Variants in ATP7B observed in about 807,000 individuals in gnomAD.
ATP7B encodes ATPase copper transporting beta.
Under a neutral mutation model 118.9 loss-of-function variants are expected in ATP7B, and 113 were observed. That is an observed-to-expected ratio of 0.95 (90% CI 0.82 to 1.11). ATP7B has a LOEUF of 1.11. ATP7B is among the 50% of genes most tolerant of loss of function. The probability of loss-of-function intolerance (pLI) is 0.00; values close to 1 mark genes in which losing one functional copy is unlikely to be tolerated. For missense variants in ATP7B, 1,867 were observed against 1,871.4 expected (o/e 1.00, Z 0.04); for synonymous variants, 777 against 727.4 (o/e 1.07, Z -1.10).
intron 1 of ATP7B, among the ~76,000 whole-genome samples, chr13:51,992,448 T>C (rs1332310049): frequency 6.6e-6 from 1 of 152,226 alleles, no homozygotes; most frequent in Admixed American, 6.5e-5. Flanking sequence ...TGATACCTAC[T>C]AAAGTTGTTA....
In ATP7B at chr13:51,937,484, G is replaced by A. The variant is rs749472361; in HGVS notation, c.3895C>T (p.Leu1299Phe). 1.4e-5 allele frequency: 23 copies of A among 1,614,052 alleles called. No homozygotes were observed. The South Asian group carries it at 2.4e-4, about 17-fold the overall frequency. The change falls in exon 18 of 21, where the codon CTT (leucine) becomes TTT (phenylalanine). Residue 1299 changes from leucine (L) to phenylalanine (F), a missense_variant. Physicochemically the swap from Leu to Phe is conservative, Grantham distance 22 (BLOSUM62 0). Transcript: ENST00000242839. ...GCTGCAGCCACGCTCACTCTGATAA[G>A]GACGACGTCGGCTGCCTCGATGGCC... ...DVAIEAADVV[L>F]IRNDLLDVVA...
At chr13:51,980,801 G>A (rs530108831) in intron 1 of ATP7B, among the ~76,000 whole-genome samples, 1 of 152,252 alleles carries the variant, frequency 6.6e-6, no homozygotes, top group South Asian at 2.1e-4. Context: ...CTATCCTCAA[G>A]AATTCTTTCA....
In ATP7B at chr13:51,958,320, G is replaced by A. The variant is rs1441980053; in HGVS notation, c.2346C>T (p.His782=). ...CTGAAGCTGCTGTTACCTTTGCCAA[G>A]TGTTCCAGCCACCGGCCCAGGGCAA... ...VFIALGRWLE[H]LAKSKTSEAL... Residue 782 remains histidine, a synonymous_variant, in exon 8 of 21, where the codon CAC becomes CAT. Transcript: ENST00000242839. The A allele has an allele frequency of 6.2e-7, 1 of 1,614,074 alleles. No homozygotes were observed. Among genetic ancestry groups the A allele is most frequent in the East Asian group, 2.2e-5 (1 of 44,898 alleles).
intron 9 of ATP7B, among the ~76,000 whole-genome samples, chr13:51,956,293 C>T (rs1008387188): frequency 6.6e-6 from 1 of 152,230 alleles, no homozygotes; most frequent in Admixed American, 6.5e-5. Context: ...GCCCTGCAGA[C>T]CCCATGGGGA....
chr13:51,978,228 ATAGCATACAT>A (rs751198453), intron 1 of ATP7B, among the ~76,000 whole-genome samples: 1 of 152,238 alleles, frequency 6.6e-6, no homozygotes, highest in Non-Finnish European at 1.5e-5. Flanking sequence ...TTTGCTTCAC[ATAGCATACAT>A]TAAGAGTTAA....
intron 14 of ATP7B, among the ~76,000 whole-genome samples, chr13:51,943,699 G>C (rs1431355404): frequency 6.6e-6 from 1 of 152,084 alleles, no homozygotes; most frequent in African/African-American, 2.4e-5. Context: ...TCTGTCCCAG[G>C]TGCTCCCAGG....
At chr13:51,999,957 A>G (rs544514020) in intron 1 of ATP7B, among the ~76,000 whole-genome samples, 64 of 152,096 alleles carry the variant, frequency 4.2e-4, no homozygotes, top group Non-Finnish European at 7.5e-4. Context: ...CTCCAAGCTC[A>G]GCCTCCAAGT....
Position 51,933,933 on chromosome 13 carries a change from G to A in ATP7B, c.*823C>T, listed in dbSNP as rs1956823893. 6.6e-6 allele frequency: 1 copy of A among 152,368 alleles called. No individual in the cohort carries two copies. The highest frequency in any genetic ancestry group is 2.1e-4 in the South Asian group (1 of 4,826). The allele number at this position is 152,368 out of a possible 1,614,324, so 9.4% of individuals were successfully genotyped here. A position where few individuals can be genotyped will look rare whatever the true frequency, so the allele number is the denominator to read the frequency against. On this transcript the variant is annotated 3_prime_UTR_variant, in exon 21 of 21. Coordinates refer to ENST00000242839, the MANE Select transcript of ATP7B (RefSeq NM_000053.4). ...AAGCCGAGTACGGACTCTCAGGTCAGGCTCTGAGGCCCTCACTCCAGCTGG... is the reference window on the plus strand; with the variant it reads ...AAGCCGAGTACGGACTCTCAGGTCAAGCTCTGAGGCCCTCACTCCAGCTGG...
chr13:51,954,006 G>A (rs370405183), intron 9 of ATP7B, among the ~76,000 whole-genome samples: 109 of 152,220 alleles, frequency 7.2e-4, no homozygotes, highest in African/African-American at 2.4e-3. Flanking sequence ...CTCAGCACCC[G>A]CCATGTTTAC....
In ATP7B at chr13:51,937,626, C is replaced by T. The variant is rs1433807687; in HGVS notation, c.3753G>A (p.Lys1251=). The T allele has an allele frequency of 1.2e-6, 2 of 1,614,138 alleles. No homozygotes were observed. The highest frequency in any genetic ancestry group is 1.3e-5 in the African/African-American group (1 of 74,956). The change falls in exon 18 of 21, where the codon AAG becomes AAA. Residue 1251 remains lysine, a synonymous_variant. Transcript: ENST00000242839. ...TCCCTTTATTCTGGAGCTCCTGGAC[C>T]TTGGCCACCTTGTGCGAAGGCAGCA... ...AEVLPSHKVA[K]VQELQNKGKK...
At chr13:51,946,816 T>A (rs1395719237) in intron 12 of ATP7B, among the ~76,000 whole-genome samples, 1 of 152,204 alleles carries the variant, frequency 6.6e-6, no homozygotes, top group Non-Finnish European at 1.5e-5. Flanking sequence ...TGATAATGCA[T>A]AGCTCATAAA....
chr13:51,987,135 G>C (rs927769724), intron 1 of ATP7B, among the ~76,000 whole-genome samples: 1 of 152,194 alleles, frequency 6.6e-6, no homozygotes, highest in Non-Finnish European at 1.5e-5. Context: ...AATTGTCTCT[G>C]TTTGCAGATG....
intron 16 of ATP7B, 48 bp from the exon 17 acceptor site, chr13:51,939,241 C>G (rs769614168): frequency 6.2e-7 from 1 of 1,607,408 alleles, no homozygotes; most frequent in Admixed American, 1.7e-5. Context: ...TGGGGCACCC[C>G]GCACCAAGAT....
chr13:51,950,032 A>G lies in ATP7B; in HGVS notation c.2705T>C (p.Leu902Pro). Reference protein sequence around the residue: ...NDTTLAQIVKLVEEAQMSKAP... With the variant: ...NDTTLAQIVKPVEEAQMSKAP... ...CTTTGACATCTGAGCCTCTTCCACC[A>G]GTTTCACAATCTGAGCCAAAGTGGT... Residue 902 changes from leucine (L) to proline (P), a missense_variant, in exon 11 of 21, where the codon CTG becomes CCG. By Grantham distance (98) the Leu-to-Pro change is moderately conservative. Transcript: ENST00000242839. 6.2e-7 allele frequency: 1 copy of G among 1,614,236 alleles called. No homozygotes were observed. Among genetic ancestry groups the G allele is most frequent in the East Asian group, 2.2e-5 (1 of 44,892 alleles).
intron 1 of ATP7B, among the ~76,000 whole-genome samples, chr13:52,006,099 C>T (rs1953756572): frequency 6.6e-6 from 1 of 152,242 alleles, no homozygotes; most frequent in African/African-American, 2.4e-5. Context: ...CGGCCCATCC[C>T]TTCCTTTCCC....
chr13:51,982,063 T>A (rs1174931222), intron 1 of ATP7B, among the ~76,000 whole-genome samples: 1 of 151,758 alleles, frequency 6.6e-6, no homozygotes, highest in African/African-American at 2.4e-5. Context: ...ATTTTATGTG[T>A]GGCCGAAGAC....
chr13:52,009,066 G>T (rs1237530730), intron 1 of ATP7B, among the ~76,000 whole-genome samples: 1 of 151,806 alleles, frequency 6.6e-6, no homozygotes, highest in Non-Finnish European at 1.5e-5. Context: ...TTGTATAAAC[G>T]ATGTCTTGAT....
At chr13:51,971,452 A>G (rs1264375670) in intron 2 of ATP7B, among the ~76,000 whole-genome samples, 1 of 152,194 alleles carries the variant, frequency 6.6e-6, no homozygotes, top group African/African-American at 2.4e-5. Context: ...AAAAATCACT[A>G]TTCTTTTCTT....
In ATP7B at chr13:51,944,222, G is replaced by A. The variant is rs1322680211; in HGVS notation, c.3130C>T (p.Leu1044=). ...HGVPRVMRVL[L]LGDVATLPLR... The stretch of plus-strand genomic sequence containing the variant: ...GGCAGTGTGGCCACATCCCCCAGCA[G>A]GAGCACCCGCATGACCCTGGGGACG... The change falls in exon 14 of 21, where the codon CTG becomes TTG. Residue 1044 remains leucine, a synonymous_variant. Transcript: ENST00000242839. 19 of 1,614,132 alleles carry A rather than the reference G, an allele frequency of 1.2e-5. No individual in the cohort carries two copies. In the East Asian group the frequency reaches 4.2e-4, roughly 36 times the overall value.
Sources: gnomAD v4.1 joint callset for allele counts (sites outside exome capture counted in the v4.1 genomes callset) on GRCh38, gnomAD v4.1.1 for gene constraint, MANE v1.5 for transcripts, NCBI Gene and HGNC (gene_info 2026-07-23, HGNC 2026-07-21) for gene names.